The following INO80D variants were observed in gnomAD, a reference collection of about 807,000 sequenced individuals.
INO80D encodes INO80 complex subunit D.
A neutral mutation model predicts 87.6 loss-of-function variants in INO80D; 21 were observed. The observed-to-expected ratio is 0.24, with a 90% CI of 0.17 to 0.35. The LOEUF is 0.35. Ranked by LOEUF, INO80D falls within the 10% of genes least tolerant of loss-of-function variation. The probability of loss-of-function intolerance (pLI) is 1.00; values close to 1 mark genes in which losing one functional copy is unlikely to be tolerated. For synonymous variants in INO80D, 440 were observed against 491.0 expected (o/e 0.90, Z 1.37); for missense variants, 982 against 1,280.7 (o/e 0.77, Z 3.56).
At chr2:206,061,694 T>C (rs1689694886) in intron 3 of INO80D, among the ~76,000 whole-genome samples, 1 of 152,240 alleles carries the variant, frequency 6.6e-6, no homozygotes, top group African/African-American at 2.4e-5. Flanking sequence ...TTAAACTATT[T>C]GTACTCATTT....
rs976444222 is a variant in INO80D, at chr2:206,062,567, C to A, written c.218+232G>T. Among the ~76,000 whole-genome samples, 1 of 152,120 alleles carries A rather than the reference C, an allele frequency of 6.6e-6. No individual in the cohort carries two copies. The highest frequency in any genetic ancestry group is 2.1e-4 in the South Asian group (1 of 4,820). ...ATTAAATAGAAGACACTCAAACATA[C>A]TTTAAGTAATTCCCCAAATTTATTA... is the stretch of plus-strand genomic sequence containing the variant. On this transcript the variant is annotated intron_variant, in intron 3 of 10. Transcript: ENST00000403263. The surrounding 1 kb of genome is among the most constrained non-coding windows in gnomAD (Gnocchi z 4.6).
intron 6 of INO80D, 65 bp from the exon 7 acceptor site, chr2:206,019,910 A>G (rs1688415941): frequency 4.2e-6 from 5 of 1,204,368 alleles, no homozygotes; most frequent in Non-Finnish European, 6.0e-6. Context: ...GTAATTTTTC[A>G]ACATGATGTC....
At chr2:206,058,063 C>T (rs942908010) in intron 3 of INO80D, among the ~76,000 whole-genome samples, 12 of 152,010 alleles carry the variant, frequency 7.9e-5, no homozygotes, top group Non-Finnish European at 1.3e-4. Flanking sequence ...TGTGAATTTT[C>T]GTCTGTGTGG....
At position 206,005,136 on chromosome 2, in the gene INO80D, C is replaced by G. The variant is rs1687991347; in HGVS notation, c.2316G>C (p.Gln772His). 6.2e-7 allele frequency: 1 copy of G among 1,613,886 alleles called. No individual in the cohort carries two copies. The highest frequency in any genetic ancestry group is 1.7e-5 in the Admixed American group (1 of 60,004). ...VGLTSATLIS[Q>H]SALGERAFPG... ...GGAAGGCTCTCTCCCCAAGTGCACT[C>G]TGGCTGATCAGAGTGGCAGAAGTAA... Residue 772 changes from glutamine (Q) to histidine (H), a missense_variant, in exon 11 of 11, where the codon CAG becomes CAC. Transcript: ENST00000403263.
chr2:206,028,367 G>A, intron 5 of INO80D, 32 bp from the exon 6 acceptor site: 2 of 1,505,160 alleles, frequency 1.3e-6, no homozygotes, highest in South Asian at 1.2e-5. Flanking sequence ...AGGAAAAACT[G>A]ATTACACATT....
intron 1 of INO80D, among the ~76,000 whole-genome samples, chr2:206,083,568 T>TTA (rs746341304): frequency 1.3e-5 from 2 of 152,154 alleles, no homozygotes; most frequent in Non-Finnish European, 2.9e-5. Context: ...TTAAGCTCAA[T>TTA]GCTAAATGAC....
intron 3 of INO80D, among the ~76,000 whole-genome samples, chr2:206,060,932 G>C (rs1054550152): frequency 6.6e-6 from 1 of 152,066 alleles, no homozygotes; most frequent in Non-Finnish European, 1.5e-5. Flanking sequence ...GTTCTCAAAA[G>C]AGCAAACTAT....
rs1337367440 is a variant in INO80D, at chr2:206,005,050, T to C, written c.2402A>G (p.Gln801Arg). Residue 801 changes from glutamine to arginine, a missense_variant, in exon 11 of 11, where the codon CAG (glutamine) becomes CGG (arginine). Coordinates refer to ENST00000403263, the MANE Select transcript of INO80D (RefSeq NM_017759.5). The part of the protein sequence containing the change: ...SHASQRPHPA[Q>R]LLSKADDLIT... The stretch of plus-strand genomic sequence containing the variant: ...TAGGTCATCTGCCTTGCTCAGCAGC[T>C]GGGCAGGATGTGGCCTCTGGGAGGC... The C allele has an allele frequency of 6.2e-7, 1 of 1,613,838 alleles. No homozygotes were observed. Among genetic ancestry groups the C allele is most frequent in the African/African-American group, 1.3e-5 (1 of 74,902 alleles).
chr2:206,059,062 T>TA lies in INO80D; in HGVS notation c.219-2120dup, dbSNP rs34251228. Among the ~76,000 whole-genome samples, 1,145 of 125,500 alleles carry TA rather than the reference T, an allele frequency of 9.1e-3. 10 individuals carry two copies. Among genetic ancestry groups the TA allele is most frequent in the African/African-American group, 0.019 (639 of 33,984 alleles). 82.3% of individuals were successfully genotyped at this position (125,500 alleles called of 152,430 possible). A position where few individuals can be genotyped will look rare whatever the true frequency, so the allele number is the denominator to read the frequency against. On this transcript the variant is annotated intron_variant, in intron 3 of 10. Transcript: ENST00000403263. Reference sequence around the variant, plus strand: ...CAACATAGCAAGACCCTGTCTCAGTTAAAAAAAAAAAAAAAAAAATCAAAG... The same window carrying TA: ...CAACATAGCAAGACCCTGTCTCAGTTAAAAAAAAAAAAAAAAAAAATCAAAG...
chr2:206,033,026 A>G (rs1688807304), intron 5 of INO80D, among the ~76,000 whole-genome samples: 1 of 152,238 alleles, frequency 6.6e-6, no homozygotes, highest in African/African-American at 2.4e-5. Flanking sequence ...TGCTCCACTT[A>G]AAAGATACAG....
chr2:206,007,559 C>A lies in INO80D; in HGVS notation c.1761-118G>T, dbSNP rs1398485645. On this transcript the variant is annotated intron_variant, in intron 9 of 10. Coordinates refer to ENST00000403263, the MANE Select transcript of INO80D (RefSeq NM_017759.5). Reference sequence around the variant, plus strand: ...ACGTCAGGCAGGGCACAGTGGCTCACACCTGTAATCCCAGCACTTTGGGAG... The same window carrying A: ...ACGTCAGGCAGGGCACAGTGGCTCAAACCTGTAATCCCAGCACTTTGGGAG... 7 of 1,149,752 alleles carry A rather than the reference C, an allele frequency of 6.1e-6. No individual in the cohort carries two copies. The East Asian group carries it at 1.5e-4, about 25-fold the overall frequency. 71.2% of individuals were successfully genotyped at this position (1,149,752 alleles called of 1,614,324 possible).
At chr2:206,041,645 G>A (rs569759914) in intron 5 of INO80D, among the ~76,000 whole-genome samples, 2 of 152,150 alleles carry the variant, frequency 1.3e-5, no homozygotes, top group Non-Finnish European at 2.9e-5. Context: ...ATAACAAGTT[G>A]ACAAACATCA....
Position 206,004,580 on chromosome 2 carries a change from G to T in INO80D, c.2872C>A (p.Pro958Thr). Residue 958 changes from proline to threonine, a missense_variant, in exon 11 of 11, where the codon CCT (proline) becomes ACT (threonine). Coordinates refer to ENST00000403263, the MANE Select transcript of INO80D (RefSeq NM_017759.5). This position sits in a 1 kb window ranked among gnomAD's most constrained non-coding sequence, Gnocchi z 4.9. ...GTGGAGGCCATTAGTTCAGCAGAAG[G>T]CCCCATGCCACTGAAGCTGGTCTGT... Reference protein sequence around the residue: ...LPQTSFSGMGPSAELMASTSP... With the variant: ...LPQTSFSGMGTSAELMASTSP... The T allele has an allele frequency of 6.2e-7, 1 of 1,611,512 alleles. No homozygotes were observed. Among genetic ancestry groups the T allele is most frequent in the East Asian group, 2.2e-5 (1 of 44,754 alleles).
Position 206,005,327 on chromosome 2 carries a change from C to A in INO80D, c.2125G>T (p.Val709Leu), listed in dbSNP as rs1687996412. The change falls in exon 11 of 11, where the codon GTG (valine) becomes TTG (leucine). Residue 709 changes from valine (V) to leucine (L), a missense_variant. Physicochemically the swap from Val to Leu is conservative, Grantham distance 32. Transcript: ENST00000403263. ...AATAGCTCCCCTAGGTCTGTGTTCA[C>A]CTCTCGGCTCAAGGATTGTATTCCT... ...ASGIQSLSREVNTDLGELLNG... is the reference protein window; with the variant it reads ...ASGIQSLSRELNTDLGELLNG... The A allele has an allele frequency of 6.2e-7, 1 of 1,613,872 alleles. No individual in the cohort carries two copies. The highest frequency in any genetic ancestry group is 8.5e-7 in the Non-Finnish European group (1 of 1,179,896).
At chr2:206,023,209 TA>T (rs1289000178) in intron 6 of INO80D, among the ~76,000 whole-genome samples, 1 of 151,144 alleles carries the variant, frequency 6.6e-6, no homozygotes, top group African/African-American at 2.4e-5. Context: ...CTCAAAAAAC[TA>T]AAAAATTAAT....
intron 6 of INO80D, among the ~76,000 whole-genome samples, chr2:206,026,576 A>G (rs1271488606): frequency 1.3e-5 from 2 of 151,306 alleles, no homozygotes; most frequent in Non-Finnish European, 2.9e-5. Context: ...AAAAATAGCC[A>G]TAATTAAAAT....
At chr2:206,027,737 G>T (rs1688655497) in intron 6 of INO80D, among the ~76,000 whole-genome samples, 1 of 151,944 alleles carries the variant, frequency 6.6e-6, no homozygotes, top group East Asian at 1.9e-4. Context: ...ACACTGAAAA[G>T]AAACTAAAAT....
At chr2:206,068,272 A>T (rs938363390) in intron 1 of INO80D, among the ~76,000 whole-genome samples, 1 of 151,932 alleles carries the variant, frequency 6.6e-6, no homozygotes. Context: ...CTAATTTTTT[A>T]AATTTTTTGT....
chr2:206,056,489 G>A lies in INO80D; in HGVS notation c.673C>T (p.Pro225Ser). 1 of 1,613,934 alleles carries A rather than the reference G, an allele frequency of 6.2e-7. No homozygotes were observed. Among genetic ancestry groups the A allele is most frequent in the Non-Finnish European group, 8.5e-7 (1 of 1,179,870 alleles). The change falls in exon 4 of 11, where the codon CCG becomes TCG. Residue 225 changes from proline (P) to serine (S), a missense_variant. Coordinates refer to ENST00000403263, the MANE Select transcript of INO80D (RefSeq NM_017759.5). ...GGTGACTTGCAGACTGAACCCTGCG[G>A]TGGCGCTGGAGGTTTTAAAGAAGTA... ...LSTSLKPPAP[P>S]QGSVCKSPQP...
Sources: gnomAD v4.1 joint callset for allele counts (sites outside exome capture counted in the v4.1 genomes callset) on GRCh38, gnomAD v4.1.1 for gene constraint, Gnocchi (gnomAD v3.1) non-coding constraint, MANE v1.5 for transcripts, NCBI Gene and HGNC (gene_info 2026-07-23, HGNC 2026-07-21) for gene names.